POLR2F: variants seen among roughly 807,000 people sequenced by gnomAD.
POLR2F encodes RNA polymerase II, I and III subunit F.
In POLR2F, 12 loss-of-function variants were observed where a neutral mutation model predicts 22.7. The observed-to-expected ratio is 0.53, with a 90% CI of 0.34 to 0.86. The LOEUF is 0.86. Among genes scored for constraint, POLR2F ranks in the 40% least tolerant of loss-of-function variants. The pLI is 0.02. For synonymous variants in POLR2F, 57 were observed against 66.0 expected (o/e 0.86, Z 0.66); for missense variants, 126 against 171.5 (o/e 0.73, Z 1.48).
intron 1 of POLR2F, chr22:37,988,764 G>T (rs1038115905): frequency 1.9e-5 from 3 of 154,370 alleles, no homozygotes; most frequent in African/African-American, 7.2e-5. Context: ...TCCCTGGGAG[G>T]TCTTCACAGA....
Position 37,953,755 on chromosome 22 carries a change from G to C in POLR2F, c.-33G>C. ...TGTTTGCGGGTCTCCGCGCGGGACC[G>C]GGGCGCAGCGGGGTCGCTGAGGCGA... On this transcript the variant is annotated 5_prime_UTR_variant, in exon 1 of 5. Transcript: ENST00000442738. 1.2e-6 allele frequency: 2 copies of C among 1,603,028 alleles called. No homozygotes were observed. The highest frequency in any genetic ancestry group is 1.7e-4 in the Middle Eastern group (1 of 5,810).
At chr22:37,981,215 C>G (rs552795658), upstream of POLR2F, among the ~76,000 whole-genome samples, 2 of 152,250 alleles carry the variant, frequency 1.3e-5, no homozygotes, top group African/African-American at 2.4e-5. Flanking sequence ...CACCCCACTT[C>G]TTGACATCCC....
chr22:37,982,393 G>A (rs576253688), upstream of POLR2F, among the ~76,000 whole-genome samples: 14 of 152,224 alleles, frequency 9.2e-5, no homozygotes, highest in Admixed American at 7.8e-4. Flanking sequence ...TGGCACTCCC[G>A]GGTGGGAGTG....
At chr22:38,004,653 C>A (rs2084804709) in intron 1 of POLR2F, among the ~76,000 whole-genome samples, 1 of 152,138 alleles carries the variant, frequency 6.6e-6, no homozygotes, top group South Asian at 2.1e-4. Context: ...GTGTCAAAAA[C>A]CACATGATAG....
chr22:37,976,455 T>C lies in POLR2F; in HGVS notation c.293+9285T>C, dbSNP rs532489234. On this transcript the variant is annotated intron_variant, in intron 4 of 4. Transcript: ENST00000405557. ...GCCAGGGACTGTAGGCTTCTCTGGT[T>C]AGTACCCCTGGTGTCCACTCCAGTG... Among the ~76,000 whole-genome samples the C allele has an allele frequency of 2.1e-3, 323 of 152,344 alleles. 3 individuals are homozygous for C. The highest frequency in any genetic ancestry group is 7.5e-3 in the African/African-American group (311 of 41,582).
chr22:37,956,767 G>A lies in POLR2F; in HGVS notation c.21-6G>A, dbSNP rs1931418509. 6.2e-7 allele frequency: 1 copy of A among 1,612,084 alleles called. No homozygotes were observed. The highest frequency in any genetic ancestry group is 8.5e-7 in the Non-Finnish European group (1 of 1,178,274). ...TCTAAGTAACTGATCTCTTCTTCCT[G>A]TACAGTTTTGATGGCGACGACTTTG... is the stretch of plus-strand genomic sequence containing the variant. On this transcript the variant is annotated splice_region_variant and splice_polypyrimidine_tract_variant and intron_variant, in intron 1 of 4. Coordinates refer to ENST00000442738, the MANE Select transcript of POLR2F (RefSeq NM_021974.5).
intron 3 of POLR2F, among the ~76,000 whole-genome samples, chr22:37,965,675 G>A (rs747728868): frequency 9.2e-5 from 14 of 152,280 alleles, no homozygotes; most frequent in Middle Eastern, 6.8e-3. Context: ...AAATTTTCAG[G>A]CTTTTGGGAG....
At chr22:37,983,672 C>T (rs1322873238), upstream of POLR2F, 2 of 1,571,410 alleles carry the variant, frequency 1.3e-6, no homozygotes, top group East Asian at 4.6e-5. The surrounding 1 kb of genome is among the most constrained non-coding windows in gnomAD (Gnocchi z 9.5). Flanking sequence ...GCCCGATCCG[C>T]CGCCGCCGCC....
chr22:38,040,204 G>C (rs748154314), intron 5 of POLR2F: 5 of 139,370 alleles, frequency 3.6e-5, no homozygotes, highest in Non-Finnish European at 6.0e-5. Context: ...AGGATCACTT[G>C]AACCTGTGAG....
chr22:37,976,509 T>C (rs1932225556), intron 4 of POLR2F, among the ~76,000 whole-genome samples: 1 of 152,202 alleles, frequency 6.6e-6, no homozygotes, highest in Non-Finnish European at 1.5e-5. Flanking sequence ...TCAGAGCGTG[T>C]CCTCTGAAGG....
At chr22:37,996,789 G>C (rs2084718434) in intron 1 of POLR2F, among the ~76,000 whole-genome samples, 1 of 152,228 alleles carries the variant, frequency 6.6e-6, no homozygotes, top group Non-Finnish European at 1.5e-5. Context: ...TGGGGCCAAA[G>C]AACACAAGCC....
chr22:37,999,287 A>C (rs2084747396), intron 1 of POLR2F, among the ~76,000 whole-genome samples: 1 of 152,086 alleles, frequency 6.6e-6, no homozygotes. Flanking sequence ...GGCCCAGTTC[A>C]GACACATTTC....
downstream of POLR2F, among the ~76,000 whole-genome samples, chr22:38,031,161 G>T (rs73886237): frequency 9.2e-3 from 1,406 of 152,240 alleles, 18 homozygotes; most frequent in African/African-American, 0.028. The surrounding 1 kb of genome is among the most constrained non-coding windows in gnomAD (Gnocchi z 4.1). Context: ...CTTCCAAGAC[G>T]CAGGGGTTAA....
intron 1 of POLR2F, among the ~76,000 whole-genome samples, chr22:38,003,065 G>T (rs775897617): frequency 6.6e-6 from 1 of 151,978 alleles, no homozygotes; most frequent in Non-Finnish European, 1.5e-5. Context: ...TGTGAGCAAA[G>T]GTTCAGAGAA....
At chr22:37,985,242 C>T (rs1362316809), upstream of POLR2F, 5 of 152,234 alleles carry the variant, frequency 3.3e-5, no homozygotes, top group African/African-American at 1.2e-4. Context: ...GTTGGGGGCC[C>T]TCTCTCAGTA....
Position 37,978,089 on chromosome 22 carries a change from G to A in POLR2F, c.293+10919G>A, listed in dbSNP as rs2145768564. The A allele has an allele frequency of 1.3e-6, 2 of 1,595,506 alleles. No homozygotes were observed. Among genetic ancestry groups the A allele is most frequent in the Non-Finnish European group, 1.7e-6 (2 of 1,169,666 alleles). On this transcript the variant is annotated intron_variant, in intron 4 of 4. Coordinates refer to the POLR2F transcript ENST00000405557. The surrounding 1 kb of genome is among the most constrained non-coding windows in gnomAD (Gnocchi z 5.0). ...TCTTTCTTGTGCTGCATACGGAGCC[G>A]CTCAGCCTCCTCGATGAAGGGGCGC... is the stretch of plus-strand genomic sequence containing the variant.
At chr22:37,992,780 C>T (rs916720059) in intron 1 of POLR2F, among the ~76,000 whole-genome samples, 1 of 152,234 alleles carries the variant, frequency 6.6e-6, no homozygotes, top group African/African-American at 2.4e-5. Context: ...CTCCCAGTCA[C>T]CACAGAGGCT....
At chr22:37,963,831 G>T (rs541752691) in intron 3 of POLR2F, among the ~76,000 whole-genome samples, 12 of 152,344 alleles carry the variant, frequency 7.9e-5, no homozygotes, top group Non-Finnish European at 1.5e-4. Flanking sequence ...GCCGGGCGCG[G>T]TGGCTCACGC....
intron 1 of POLR2F, among the ~76,000 whole-genome samples, chr22:38,012,160 C>T (rs1601906583): frequency 2.0e-5 from 3 of 151,122 alleles, no homozygotes; most frequent in African/African-American, 7.3e-5. Flanking sequence ...TGGCTCACTG[C>T]AACCTCCACC....
Sources: gnomAD v4.1 joint callset for allele counts (sites outside exome capture counted in the v4.1 genomes callset) on GRCh38, gnomAD v4.1.1 for gene constraint, Gnocchi (gnomAD v3.1) non-coding constraint, MANE v1.5 for transcripts, NCBI Gene and HGNC (gene_info 2026-07-23, HGNC 2026-07-21) for gene names.